Variants in USP34 observed in about 807,000 individuals in gnomAD.
The protein encoded by USP34 is ubiquitin carboxyl-terminal hydrolase 34.
USP34 carries 70 observed loss-of-function variants against 460.3 expected under a neutral mutation model. The ratio of observed to expected loss-of-function variants is 0.15; its 90% CI spans 0.13 to 0.19. The LOEUF (loss-of-function observed/expected upper bound fraction) is 0.19. USP34 is among the 10% of genes least tolerant of loss of function. The pLI, the probability that USP34 is intolerant of heterozygous loss-of-function variation, is 1.00. For synonymous variants in USP34, 1,647 were observed against 1,405.3 expected, an observed-to-expected ratio of 1.17 and a Z score of -3.85; for missense variants, 3,985 against 4,236.2, an observed-to-expected ratio of 0.94 and a Z score of 1.65.
rs1355225194 is a variant in USP34 at position 61,317,716 on chromosome 2, G to C, written c.3220C>G (p.Gln1074Glu). Residue 1074 changes from glutamine (Q) to glutamate (E), a missense_variant, in exon 23 of 80, where the codon CAG becomes GAG. Physicochemically the swap from Gln to Glu is conservative, Grantham distance 29. Coordinates refer to ENST00000398571, the MANE Select transcript of USP34 (RefSeq NM_014709.4). ...AATCGAGCCAAGTTACAGAGATGCTGAAACAGGTTTAAGCCAGTCATGCTA... is the reference window on the plus strand; with the variant it reads ...AATCGAGCCAAGTTACAGAGATGCTCAAACAGGTTTAAGCCAGTCATGCTA... The part of the protein sequence containing the change: ...TISMTGLNLF[Q>E]HLCNLARLAT... 6.2e-7 allele frequency: 1 copy of C among 1,614,004 alleles called. No homozygotes were observed. Among genetic ancestry groups the C allele is most frequent in the African/African-American group, 1.3e-5 (1 of 74,926 alleles).
chr2:61,206,579 G>A (rs1385195998), intron 71 of USP34, among the ~76,000 whole-genome samples, 181 bp downstream of exon 71: 2 of 152,148 alleles, frequency 1.3e-5, no homozygotes, highest in African/African-American at 4.8e-5. Flanking sequence ...AAACATAAAA[G>A]AGCCTTCCAG....
chr2:61,298,364 C>CA (rs11417017), intron 29 of USP34, among the ~76,000 whole-genome samples: 24,250 of 48,094 alleles, frequency 0.5, 5,603 homozygotes, highest in East Asian at 0.62. Flanking sequence ...TACAAAAATA[C>CA]AAAAAAAAAA....
intron 1 of USP34, among the ~76,000 whole-genome samples, chr2:61,448,640 C>G (rs1237217893): frequency 6.6e-6 from 1 of 152,128 alleles, no homozygotes. Flanking sequence ...AAACTGTTTC[C>G]ATCCATAGAT....
intron 41 of USP34, among the ~76,000 whole-genome samples, chr2:61,272,561 C>T (rs941889683): frequency 2.0e-5 from 3 of 152,180 alleles, no homozygotes; most frequent in East Asian, 1.9e-4. Context: ...CTGGAACCAT[C>T]GAAAAACTTC....
At chr2:61,207,950 G>A (rs1823685) in intron 70 of USP34, 21,982 of 151,966 alleles carry the variant, frequency 0.14, 2,142 homozygotes, top group South Asian at 0.35. Context: ...AATTCTTATG[G>A]TACTCTTGGC....
chr2:61,416,951 CTGGGA>C lies in USP34; in HGVS notation c.131+3790_131+3794del, dbSNP rs796889117. 76 of 1,255,494 alleles carry C rather than the reference CTGGGA, an allele frequency of 6.1e-5. 1 individual carries two copies. In the African/African-American group the frequency reaches 1.0e-3, roughly 17 times the overall value. 77.8% of individuals were successfully genotyped at this position (1,255,494 alleles called of 1,614,324 possible). On this transcript the variant is annotated intron_variant, in intron 2 of 79. Coordinates refer to ENST00000398571, the MANE Select transcript of USP34 (RefSeq NM_014709.4). ...GCGACATACTTGACCCCACAGCCATCTGGGATGAGCCGCTTCTCAGCCACCATATC... is the reference window on the plus strand; with the variant it reads ...GCGACATACTTGACCCCACAGCCATCTGAGCCGCTTCTCAGCCACCATATC...
At chr2:61,332,619 T>C (rs189599204) in intron 19 of USP34, among the ~76,000 whole-genome samples, 2 of 152,136 alleles carry the variant, frequency 1.3e-5, no homozygotes, top group East Asian at 1.9e-4. Flanking sequence ...CTGCCTTTAC[T>C]GCATTAGAAT....
intron 2 of USP34, among the ~76,000 whole-genome samples, chr2:61,410,363 T>C (rs911775069): frequency 3.9e-5 from 6 of 152,170 alleles, no homozygotes; most frequent in African/African-American, 1.4e-4. Flanking sequence ...CCTGTGAGAA[T>C]CTGATGCTGC....
Position 61,256,885 on chromosome 2 carries a change from C to A in USP34, c.6114G>T (p.Met2038Ile). The A allele has an allele frequency of 6.4e-7, 1 of 1,567,704 alleles. No homozygotes were observed. Among genetic ancestry groups the A allele is most frequent in the South Asian group, 1.2e-5 (1 of 80,302 alleles). ...CATTATTACTCACATAAATGTTCTTCATATCAGCCACTTGGCACCTCACAG... is the reference window on the plus strand; with the variant it reads ...CATTATTACTCACATAAATGTTCTTAATATCAGCCACTTGGCACCTCACAG... ...FYTVRCQVAD[M>I]KNIYESLDEV... The change falls in exon 47 of 80, where the codon ATG becomes ATT. Residue 2038 changes from methionine to isoleucine, a missense_variant. Around this residue, in one of 14 missense-constraint regions of USP34, gnomAD observed 145 missense variants for 291.6 expected, o/e 0.50. Transcript: ENST00000398571.
chr2:61,392,116 T>A (rs1693365928), intron 5 of USP34, among the ~76,000 whole-genome samples: 1 of 152,120 alleles, frequency 6.6e-6, no homozygotes, highest in Admixed American at 6.5e-5. Flanking sequence ...ACCTTTGTAT[T>A]TAGTAAAGGA....
chr2:61,350,304 A>T lies in USP34; in HGVS notation c.1463T>A (p.Phe488Tyr). The T allele has an allele frequency of 6.2e-7, 1 of 1,612,660 alleles. No homozygotes were observed. Among genetic ancestry groups the T allele is most frequent in the Non-Finnish European group, 8.5e-7 (1 of 1,179,178 alleles). Reference sequence around the variant, plus strand: ...AATATTAGTATTTAATAAAGATGCAAAAGAACTCTGTTTAGATAACTGAGC... The same window carrying T: ...AATATTAGTATTTAATAAAGATGCATAAGAACTCTGTTTAGATAACTGAGC... ...AKAQLSKQSS[F>Y]ASLLNTNIPI... The change falls in exon 12 of 80, where the codon TTT (phenylalanine) becomes TAT (tyrosine). Residue 488 changes from phenylalanine (F) to tyrosine (Y), a missense_variant. Coordinates refer to ENST00000398571, the MANE Select transcript of USP34 (RefSeq NM_014709.4).
chr2:61,409,582 C>T (rs1453328998), intron 2 of USP34, among the ~76,000 whole-genome samples: 2 of 151,988 alleles, frequency 1.3e-5, no homozygotes, highest in Admixed American at 1.3e-4. Flanking sequence ...GCCATGGTGG[C>T]GGGTGCCTGT....
chr2:61,458,284 G>C (rs1025810201), intron 1 of USP34, among the ~76,000 whole-genome samples: 1 of 152,092 alleles, frequency 6.6e-6, no homozygotes, highest in Non-Finnish European at 1.5e-5. Context: ...ATACAGGCCA[G>C]GCACGGGGGT....
chr2:61,350,640 A>T lies in USP34; in HGVS notation c.1305T>A (p.Asn435Lys). The T allele has an allele frequency of 1.2e-6, 2 of 1,613,892 alleles. No individual in the cohort carries two copies. Among genetic ancestry groups the T allele is most frequent in the Admixed American group, 3.3e-5 (2 of 59,992 alleles). Residue 435 changes from asparagine (N) to lysine (K), a missense_variant, in exon 11 of 80, where the codon AAT (asparagine) becomes AAA (lysine). Around this residue, in one of 14 missense-constraint regions of USP34, gnomAD observed 716 missense variants for 626.2 expected, o/e 1.14. Coordinates refer to ENST00000398571, the MANE Select transcript of USP34 (RefSeq NM_014709.4). ...IHDLFPSLIK[N>K]LDPVPLRHLL... ...GATGTCTAAGTGGTACGGGATCCAAATTCTTGATGAGTGAAGGAAATAAGT... is the reference window on the plus strand; with the variant it reads ...GATGTCTAAGTGGTACGGGATCCAATTTCTTGATGAGTGAAGGAAATAAGT...
Position 61,431,711 on chromosome 2 carries a change from C to T in USP34, c.44-10878G>A, listed in dbSNP as rs1044093033. 1.2e-4 allele frequency among the ~76,000 whole-genome samples: 18 copies of T among 152,000 alleles called. No homozygotes were observed. The East Asian group carries it at 2.9e-3, about 25-fold the overall frequency. On this transcript the variant is annotated intron_variant, in intron 1 of 79. Transcript: ENST00000398571. ...CTCTACTAAAATTCAAAAACTTAGC[C>T]GGGCATGGTGTTAGGCGCCTGTAAT...
At chr2:61,263,499 T>TGA (rs1322958789) in intron 43 of USP34, among the ~76,000 whole-genome samples, 1 of 150,614 alleles carries the variant, frequency 6.6e-6, no homozygotes, top group South Asian at 2.1e-4. Flanking sequence ...TTTTTTTTTT[T>TGA]GAGACAAAGT....
At chr2:61,409,391 G>A (rs762575271) in intron 2 of USP34, among the ~76,000 whole-genome samples, 1 of 152,054 alleles carries the variant, frequency 6.6e-6, no homozygotes, top group Non-Finnish European at 1.5e-5. Context: ...GATGAAGAAA[G>A]CCAAAGATTC....
intron 16 of USP34, among the ~76,000 whole-genome samples, chr2:61,340,205 TA>T (rs1029026654): frequency 7.7e-5 from 10 of 129,972 alleles, no homozygotes; most frequent in South Asian, 5.0e-4. Flanking sequence ...TCCCTATATT[TA>T]AAAAAAAACT....
chr2:61,409,483 G>GCA (rs949190482), intron 2 of USP34, among the ~76,000 whole-genome samples: 4 of 152,166 alleles, frequency 2.6e-5, no homozygotes, highest in Admixed American at 6.5e-5. Flanking sequence ...GGAGGCCAAG[G>GCA]CAGGTGGATC....
Sources: allele counts gnomAD v4.1 joint callset (sites outside exome capture counted in the v4.1 genomes callset), GRCh38; gene constraint gnomAD v4.1.1; regional missense constraint gnomAD v4.1.1; transcripts MANE v1.5; gene names NCBI Gene and HGNC (gene_info 2026-07-23, HGNC 2026-07-21).